The following CAMTA1 variants were observed in gnomAD, a reference collection of about 807,000 sequenced individuals.
CAMTA1 encodes the protein calmodulin binding transcription activator 1, also known as calmodulin-binding transcription activator 1.
A neutral mutation model predicts 170.9 loss-of-function variants in CAMTA1; 27 were observed. The observed-to-expected ratio is 0.16, with a 90% confidence interval of 0.12 to 0.22. CAMTA1 has a LOEUF of 0.22. CAMTA1 is among the 10% of genes least tolerant of loss of function. CAMTA1 has a pLI of 1.00. For synonymous variants in CAMTA1, 833 were observed against 891.5 expected, an observed-to-expected ratio of 0.93 and a Z score of 1.17; for missense variants, 1,619 against 2,217.2, an observed-to-expected ratio of 0.73 and a Z score of 5.42.
chr1:7,031,176 T>C (rs889844593), intron 3 of CAMTA1, among the ~76,000 whole-genome samples: 4 of 152,036 alleles, frequency 2.6e-5, no homozygotes, highest in African/African-American at 9.7e-5. Flanking sequence ...GATACGGAAA[T>C]CTCTAATTAC....
In CAMTA1 at chr1:7,590,014, G is replaced by A. The variant is rs930057164; in HGVS notation, c.511-50386G>A. On this transcript the variant is annotated intron_variant, in intron 6 of 22. Coordinates refer to ENST00000303635, the MANE Select transcript of CAMTA1 (RefSeq NM_015215.4). Reference sequence around the variant, plus strand: ...CCCTTTGCACACCCTGGCTTGGTACGATCGCATGGAGCTTGCCCCTGAAAG... The same window carrying A: ...CCCTTTGCACACCCTGGCTTGGTACAATCGCATGGAGCTTGCCCCTGAAAG... 1.4e-4 allele frequency among the ~76,000 whole-genome samples: 22 copies of A among 152,286 alleles called. 1 individual carries two copies. In the East Asian group the frequency reaches 2.5e-3, roughly 17 times the overall value.
At chr1:7,237,003 G>C (rs1201672321) in intron 4 of CAMTA1, among the ~76,000 whole-genome samples, 1 of 152,234 alleles carries the variant, frequency 6.6e-6, no homozygotes, top group East Asian at 1.9e-4. Flanking sequence ...TTGACATTTG[G>C]GGTCAGGGCT....
intron 5 of CAMTA1, among the ~76,000 whole-genome samples, chr1:7,425,643 C>T (rs2149335743): frequency 6.6e-6 from 1 of 152,202 alleles, no homozygotes; most frequent in South Asian, 2.1e-4. Context: ...GCAATCCCCC[C>T]TCCACCATAC....
At chr1:7,709,051 TCA>T (rs1210339181) in intron 11 of CAMTA1, among the ~76,000 whole-genome samples, 4 of 152,196 alleles carry the variant, frequency 2.6e-5, no homozygotes, top group Non-Finnish European at 5.9e-5. Context: ...GAGCCCTCTG[TCA>T]CACGCAGCCA....
intron 3 of CAMTA1, among the ~76,000 whole-genome samples, chr1:7,043,216 G>A (rs1258103264): frequency 6.6e-6 from 1 of 152,212 alleles, no homozygotes; most frequent in African/African-American, 2.4e-5. Context: ...CTCACTCAGA[G>A]GCAGGGGCCC....
rs953327997 is a variant in CAMTA1, at chr1:7,286,702, A to G, written c.438+37076A>G. On this transcript the variant is annotated intron_variant, in intron 5 of 22. Transcript: ENST00000303635. This position sits in a 1 kb window ranked among gnomAD's most constrained non-coding sequence, Gnocchi z 4.2. Reference sequence around the variant, plus strand: ...CTAAGATTGTAAAGGGTCTTAAATGACCCCAAATATCCCTGCCTAACAGTC... The same window carrying G: ...CTAAGATTGTAAAGGGTCTTAAATGGCCCCAAATATCCCTGCCTAACAGTC... Among the ~76,000 whole-genome samples the G allele has an allele frequency of 6.6e-6, 1 of 152,120 alleles. No individual in the cohort carries two copies. Among genetic ancestry groups the G allele is most frequent in the African/African-American group, 2.4e-5 (1 of 41,406 alleles).
intron 4 of CAMTA1, among the ~76,000 whole-genome samples, chr1:7,115,916 A>C (rs1457798898): frequency 6.6e-6 from 1 of 151,910 alleles, no homozygotes; most frequent in African/African-American, 2.4e-5. Context: ...GAGGAGGGCA[A>C]CCTTCTTTAC....
intron 4 of CAMTA1, among the ~76,000 whole-genome samples, chr1:7,199,311 C>T (rs1367043924): frequency 6.6e-6 from 1 of 152,222 alleles, no homozygotes; most frequent in African/African-American, 2.4e-5. Flanking sequence ...CAGTTCCAAG[C>T]GGAGGGTAAA....
intron 3 of CAMTA1, among the ~76,000 whole-genome samples, chr1:6,947,757 C>T (rs185476746): frequency 6.6e-6 from 1 of 152,148 alleles, no homozygotes; most frequent in Non-Finnish European, 1.5e-5. Context: ...TTAAATTTTC[C>T]TAAGTATTTT....
chr1:6,887,956 C>T lies in CAMTA1; in HGVS notation c.234+62746C>T. ...TGACTGAGCTCTGGAGAGCAGGGCT[C>T]TGTGCACACGCCTCCTGGTCCAGAG... is the stretch of plus-strand genomic sequence containing the variant. On this transcript the variant is annotated intron_variant, in intron 3 of 22. Transcript: ENST00000303635. The surrounding 1 kb of genome is among the most constrained non-coding windows in gnomAD (Gnocchi z 4.1). 1 of 1,283,066 alleles carries T rather than the reference C, an allele frequency of 7.8e-7. No individual in the cohort carries two copies. Among genetic ancestry groups the T allele is most frequent in the Non-Finnish European group, 9.9e-7 (1 of 1,005,726 alleles). The allele number at this position is 1,283,066 out of a possible 1,614,324, so 79.5% of individuals were successfully genotyped here. A position where few individuals can be genotyped will look rare whatever the true frequency, so the allele number is the denominator to read the frequency against.
chr1:7,702,377 C>T (rs1007913046), intron 11 of CAMTA1, among the ~76,000 whole-genome samples: 2 of 152,152 alleles, frequency 1.3e-5, no homozygotes, highest in Non-Finnish European at 2.9e-5. Context: ...AAAGAACTTC[C>T]CCACCTGAGA....
Position 6,915,820 on chromosome 1 carries a change from G to T in CAMTA1, c.234+90610G>T, listed in dbSNP as rs370833603. On this transcript the variant is annotated intron_variant, in intron 3 of 22. Transcript: ENST00000303635. ...GGCGAAGCCTGTCTCTCTGACTGGG[G>T]CCTGCAGACAGGGGTGGCCCTGATG... Among the ~76,000 whole-genome samples the T allele has an allele frequency of 5.9e-5, 9 of 152,314 alleles. No homozygotes were observed. The South Asian group carries it at 1.5e-3, about 25-fold the overall frequency.
chr1:7,136,916 T>G (rs1645577047), intron 4 of CAMTA1, among the ~76,000 whole-genome samples: 1 of 152,226 alleles, frequency 6.6e-6, no homozygotes, highest in South Asian at 2.1e-4. Flanking sequence ...CCTGGTGACC[T>G]CTTAGCTTTG....
chr1:6,840,287 G>T (rs556322214), intron 3 of CAMTA1, among the ~76,000 whole-genome samples: 73 of 152,296 alleles, frequency 4.8e-4, no homozygotes, highest in African/African-American at 1.4e-3. Flanking sequence ...ATAATATGAA[G>T]CTTTATGTTC....
intron 6 of CAMTA1, among the ~76,000 whole-genome samples, chr1:7,527,855 C>A (rs1037388333): frequency 6.6e-6 from 1 of 152,212 alleles, no homozygotes; most frequent in Non-Finnish European, 1.5e-5. Context: ...TCTCTCCCAG[C>A]CTCCACCCCA....
At chr1:7,487,560 C>G (rs1168770666) in intron 6 of CAMTA1, among the ~76,000 whole-genome samples, 3 of 152,218 alleles carry the variant, frequency 2.0e-5, no homozygotes, top group Non-Finnish European at 2.9e-5. Flanking sequence ...CATGGAGGAC[C>G]TGCCCGTGCT....
chr1:7,519,794 A>C (rs537495796), intron 6 of CAMTA1, among the ~76,000 whole-genome samples: 1 of 151,420 alleles, frequency 6.6e-6, no homozygotes, highest in Non-Finnish European at 1.5e-5. Flanking sequence ...GGTCACCCCC[A>C]CATCTGGATG....
At chr1:7,486,157 T>G (rs2093614527) in intron 6 of CAMTA1, among the ~76,000 whole-genome samples, 1 of 152,186 alleles carries the variant, frequency 6.6e-6, no homozygotes, top group African/African-American at 2.4e-5. Flanking sequence ...AATGGCCAGA[T>G]TTTCGTAGGT....
intron 3 of CAMTA1, among the ~76,000 whole-genome samples, chr1:6,946,192 T>G (rs1176729474): frequency 6.6e-6 from 1 of 151,582 alleles, no homozygotes; most frequent in Non-Finnish European, 1.5e-5. Flanking sequence ...TCTCTTCTTT[T>G]TTTTTTTTTC....
Sources: gnomAD v4.1 joint callset for allele counts (sites outside exome capture counted in the v4.1 genomes callset) on GRCh38, gnomAD v4.1.1 for gene constraint, Gnocchi (gnomAD v3.1) non-coding constraint, MANE v1.5 for transcripts, NCBI Gene and HGNC (gene_info 2026-07-23, HGNC 2026-07-21) for gene names.